The following NRXN1 variants were observed in gnomAD, a reference collection of about 807,000 sequenced individuals.
The protein encoded by NRXN1 is neurexin 1, also known as neurexin-1.
Under a neutral mutation model 150.9 loss-of-function variants are expected in NRXN1, and 39 were observed. That is an observed-to-expected ratio of 0.26 (90% CI 0.20 to 0.34). The LOEUF is 0.34. Ranked by LOEUF, NRXN1 falls within the 10% of genes least tolerant of loss-of-function variation. The pLI is 1.00. For missense variants in NRXN1, 1,815 were observed against 1,949.9 expected (o/e 0.93, Z 1.30); for synonymous variants, 924 against 757.0 (o/e 1.22, Z -3.62).
At chr2:50,789,500 A>C (rs142148494) in intron 5 of NRXN1, among the ~76,000 whole-genome samples, 1 of 152,322 alleles carries the variant, frequency 6.6e-6, no homozygotes, top group Non-Finnish European at 1.5e-5. Flanking sequence ...GAACACTCTA[A>C]AATAAATAAT....
chr2:50,697,783 C>A (rs1024386323), intron 5 of NRXN1, among the ~76,000 whole-genome samples: 1 of 152,152 alleles, frequency 6.6e-6, no homozygotes, highest in African/African-American at 2.4e-5. Flanking sequence ...CTGCCCACAT[C>A]TTTGTTTCAT....
At chr2:50,802,561 GGAAGGAAGGAGAGAGACAGAGAGAAAGA>G (rs1707762310) in intron 5 of NRXN1, among the ~76,000 whole-genome samples, 1 of 132,758 alleles carries the variant, frequency 7.5e-6, no homozygotes, top group African/African-American at 2.8e-5. Flanking sequence ...AAGGAAGGAA[GGAAGGAAGGAGAGAGACAGAGAGAAAGA>G]GAGAGAGAAA....
chr2:50,268,817 C>T (rs567378095), intron 17 of NRXN1, among the ~76,000 whole-genome samples: 1 of 152,328 alleles, frequency 6.6e-6, no homozygotes, highest in East Asian at 1.9e-4. Context: ...GGCCACATAG[C>T]TTCTAGCCAA....
chr2:50,665,080 A>G (rs945919987), intron 5 of NRXN1, among the ~76,000 whole-genome samples: 1 of 152,018 alleles, frequency 6.6e-6, no homozygotes, highest in African/African-American at 2.4e-5. Flanking sequence ...CCAGTATACT[A>G]CTTTTTCCAC....
intron 5 of NRXN1, among the ~76,000 whole-genome samples, chr2:50,876,620 C>T (rs533975496): frequency 6.6e-6 from 1 of 151,860 alleles, no homozygotes; most frequent in South Asian, 2.1e-4. Context: ...CTTTCAACGT[C>T]TTCTTTTCAC....
At chr2:50,576,935 T>C (rs1057035899) in intron 8 of NRXN1, among the ~76,000 whole-genome samples, 3 of 152,046 alleles carry the variant, frequency 2.0e-5, no homozygotes, top group Admixed American at 6.6e-5. Context: ...ACCTCTATGA[T>C]GTAATTTATT....
Position 51,029,106 on chromosome 2 carries a change from A to C in NRXN1, c.-833T>G, listed in dbSNP as rs1671082863. Reference sequence around the variant, plus strand: ...CCTCTTCTTTTCTCTCTGCCTCTGCAGGGCCAAGCTAAGATGCCAGCACAT... The same window carrying C: ...CCTCTTCTTTTCTCTCTGCCTCTGCCGGGCCAAGCTAAGATGCCAGCACAT... On this transcript the variant is annotated 5_prime_UTR_variant, in exon 2 of 23. Transcript: ENST00000401669. 6.6e-6 allele frequency: 1 copy of C among 152,264 alleles called. No individual in the cohort carries two copies. The highest frequency in any genetic ancestry group is 6.5e-5 in the Admixed American group (1 of 15,290). 9.4% of individuals were successfully genotyped at this position (152,264 alleles called of 1,614,324 possible).
chr2:50,947,491 C>A (rs1333534138), intron 2 of NRXN1, among the ~76,000 whole-genome samples: 3 of 151,844 alleles, frequency 2.0e-5, no homozygotes, highest in Non-Finnish European at 4.4e-5. Flanking sequence ...CATAACCATT[C>A]TTTTCCCATG....
At chr2:50,172,014 C>T (rs980366781) in intron 18 of NRXN1, among the ~76,000 whole-genome samples, 2 of 152,092 alleles carry the variant, frequency 1.3e-5, no homozygotes, top group African/African-American at 4.8e-5. Flanking sequence ...ACACAAATGT[C>T]TATGCAACTA....
intron 21 of NRXN1, among the ~76,000 whole-genome samples, chr2:50,012,296 T>C (rs1685825250): frequency 6.6e-6 from 1 of 152,156 alleles, no homozygotes; most frequent in Non-Finnish European, 1.5e-5. Flanking sequence ...AATACTATTA[T>C]AACTGCATTT....
intron 5 of NRXN1, among the ~76,000 whole-genome samples, chr2:50,673,588 T>C (rs1407989592): frequency 1.3e-5 from 2 of 152,078 alleles, no homozygotes; most frequent in African/African-American, 4.8e-5. Flanking sequence ...GCAAGATTAT[T>C]AGGATGCTTC....
chr2:49,936,791 C>G (rs937683456), intron 22 of NRXN1, among the ~76,000 whole-genome samples: 1 of 149,976 alleles, frequency 6.7e-6, no homozygotes, highest in South Asian at 2.1e-4. Context: ...TTGCTATATT[C>G]TAAAAAACAA....
chr2:50,480,769 A>G (rs1282545035), intron 15 of NRXN1, among the ~76,000 whole-genome samples: 3 of 152,144 alleles, frequency 2.0e-5, no homozygotes, highest in African/African-American at 4.8e-5. Flanking sequence ...ATCTAACAGT[A>G]TATTGCTTTA....
intron 2 of NRXN1, among the ~76,000 whole-genome samples, chr2:50,936,511 T>C (rs1338996818): frequency 1.3e-5 from 2 of 152,164 alleles, no homozygotes; most frequent in Non-Finnish European, 2.9e-5. Context: ...GTATGTGAAA[T>C]GGCTAATAGC....
intron 9 of NRXN1, among the ~76,000 whole-genome samples, chr2:50,550,118 A>G (rs1362469000): frequency 2.6e-5 from 4 of 152,208 alleles, no homozygotes; most frequent in Non-Finnish European, 5.9e-5. Context: ...ATATAGTTAG[A>G]AAATTCCTCA....
chr2:50,862,245 G>A (rs949737443), intron 5 of NRXN1, among the ~76,000 whole-genome samples: 1 of 151,594 alleles, frequency 6.6e-6, no homozygotes, highest in African/African-American at 2.4e-5. Context: ...GTAGGAATCA[G>A]TTGCAGAGTC....
chr2:50,019,918 G>GCCACTGCACTCCA (rs1687272789), intron 21 of NRXN1, among the ~76,000 whole-genome samples: 1 of 131,738 alleles, frequency 7.6e-6, no homozygotes, highest in Non-Finnish European at 1.6e-5. Flanking sequence ...ACTGCACTCC[G>GCCACTGCACTCCA]GCCTGGGTGA....
chr2:50,881,452 G>A (rs1467263716), intron 5 of NRXN1, among the ~76,000 whole-genome samples: 2 of 151,878 alleles, frequency 1.3e-5, no homozygotes, highest in Non-Finnish European at 2.9e-5. Flanking sequence ...GATTTTGGTT[G>A]ACAATTTCTA....
intron 19 of NRXN1, among the ~76,000 whole-genome samples, chr2:50,083,814 G>A (rs1372865227): frequency 6.6e-6 from 1 of 152,082 alleles, no homozygotes; most frequent in Non-Finnish European, 1.5e-5. Context: ...TAGATACAGA[G>A]TGCTGATTGG....
Sources: gnomAD v4.1 joint callset for allele counts (sites outside exome capture counted in the v4.1 genomes callset) on GRCh38, gnomAD v4.1.1 for gene constraint, MANE v1.5 for transcripts, NCBI Gene and HGNC (gene_info 2026-07-23, HGNC 2026-07-21) for gene names.